Variants in MBNL1 observed in about 807,000 individuals in gnomAD.
The protein encoded by MBNL1 is muscleblind like splicing regulator 1.
In MBNL1, 8 loss-of-function variants were observed where a neutral mutation model predicts 42.2. The ratio of observed to expected loss-of-function variants is 0.19; its 90% CI spans 0.11 to 0.34. The LOEUF (loss-of-function observed/expected upper bound fraction) is 0.34, where lower values mean the gene tolerates loss of function less well. MBNL1 is among the 10% of genes least tolerant of loss of function. MBNL1 has a pLI of 1.00. For synonymous variants in MBNL1, 169 were observed against 173.9 expected (o/e 0.97, Z 0.22); for missense variants, 309 against 495.3 (o/e 0.62, Z 3.57).
chr3:152,310,826 G>C (rs117489342), intron 2 of MBNL1, among the ~76,000 whole-genome samples: 2 of 151,996 alleles, frequency 1.3e-5, no homozygotes, highest in Non-Finnish European at 2.9e-5. Flanking sequence ...TGTTTGGGGG[G>C]GTTGGGGGGA....
At chr3:152,316,030 C>T (rs145024156) in intron 2 of MBNL1, among the ~76,000 whole-genome samples, 62 of 152,298 alleles carry the variant, frequency 4.1e-4, no homozygotes, top group African/African-American at 1.4e-3. Flanking sequence ...TATTTCTCGT[C>T]ACATTGTGGC....
chr3:152,322,554 A>G (rs1577886538), intron 2 of MBNL1, among the ~76,000 whole-genome samples: 1 of 152,056 alleles, frequency 6.6e-6, no homozygotes. Flanking sequence ...AAATACATCT[A>G]TATTATCTCA....
intron 4 of MBNL1, among the ~76,000 whole-genome samples, chr3:152,434,561 A>G (rs1359882485): frequency 1.3e-5 from 2 of 152,208 alleles, no homozygotes; most frequent in African/African-American, 4.8e-5. Context: ...TTGGGTATAT[A>G]CCCAGTAATG....
chr3:152,290,236 A>G (rs1222819002), intron 1 of MBNL1, among the ~76,000 whole-genome samples: 1 of 152,032 alleles, frequency 6.6e-6, no homozygotes, highest in Admixed American at 6.6e-5. Flanking sequence ...AATTTTTAGA[A>G]ATTCTGAACA....
chr3:152,330,327 T>G (rs1040211261), intron 2 of MBNL1, among the ~76,000 whole-genome samples: 16 of 152,182 alleles, frequency 1.1e-4, no homozygotes, highest in Admixed American at 1.0e-3. Flanking sequence ...CTCAAACTCC[T>G]GGCTTCAAGT....
intron 1 of MBNL1, among the ~76,000 whole-genome samples, chr3:152,298,089 G>A (rs368531226): frequency 1.7e-4 from 26 of 152,048 alleles, no homozygotes; most frequent in African/African-American, 6.0e-4. Flanking sequence ...CTAGATGTTC[G>A]TGTTTTTTAA....
intron 1 of MBNL1, among the ~76,000 whole-genome samples, chr3:152,294,319 G>A (rs1025945541): frequency 5.7e-5 from 8 of 141,364 alleles, no homozygotes; most frequent in African/African-American, 1.9e-4. Context: ...AGTCTCGCTC[G>A]GTCACCCAGG....
chr3:152,432,320 A>G (rs894169528), intron 3 of MBNL1, among the ~76,000 whole-genome samples: 1 of 152,252 alleles, frequency 6.6e-6, no homozygotes, highest in Non-Finnish European at 1.5e-5. Context: ...TCTTTCAAGT[A>G]CATCTGACAT....
intron 2 of MBNL1, among the ~76,000 whole-genome samples, chr3:152,367,599 G>A (rs747641269): frequency 3.3e-5 from 5 of 152,150 alleles, no homozygotes; most frequent in African/African-American, 7.2e-5. Flanking sequence ...TTGAGGAATC[G>A]CCACACTGTC....
rs1749407776 is a variant in MBNL1, at chr3:152,464,571, T to C, written c.*2205T>C. 6.6e-6 allele frequency: 1 copy of C among 152,630 alleles called. No individual in the cohort carries two copies. The highest frequency in any genetic ancestry group is 2.4e-5 in the African/African-American group (1 of 41,466). The allele number at this position is 152,630 out of a possible 1,614,324, so 9.5% of individuals were successfully genotyped here. ...CTAGATCCTAGATATTAGAATAAAA[T>C]TTATTTTCTACTGTATCCATTTCAA... On this transcript the variant is annotated 3_prime_UTR_variant, in exon 10 of 10. Coordinates refer to ENST00000324210, the MANE Select transcript of MBNL1 (RefSeq NM_021038.5).
chr3:152,447,490 C>G, intron 5 of MBNL1, 130 bp from the exon 6 acceptor site: 1 of 346,708 alleles, frequency 2.9e-6, no homozygotes, highest in Non-Finnish European at 5.2e-6. Context: ...TGGATTTTTT[C>G]CCTCGGGTAG....
chr3:152,297,929 C>G lies in MBNL1; in HGVS notation c.-789-1476C>G, dbSNP rs374654456. On this transcript the variant is annotated intron_variant, in intron 1 of 9. Coordinates refer to ENST00000324210, the MANE Select transcript of MBNL1 (RefSeq NM_021038.5). ...TCAGCCTCCCAAAGTGCGGGGATTA[C>G]AGGCGTGATCCACCAAGCTTGATTG... Among the ~76,000 whole-genome samples the G allele has an allele frequency of 6.1e-4, 93 of 152,278 alleles. No homozygotes were observed. In the South Asian group the frequency reaches 0.019, roughly 31 times the overall value.
At position 152,465,267 on chromosome 3, in the gene MBNL1, A is replaced by G. The variant is rs948103465; in HGVS notation, c.*2901A>G. The G allele has an allele frequency of 6.6e-6, 1 of 152,252 alleles. No individual in the cohort carries two copies. Among genetic ancestry groups the G allele is most frequent in the African/African-American group, 2.4e-5 (1 of 41,468 alleles). The allele number at this position is 152,252 out of a possible 1,614,324, so 9.4% of individuals were successfully genotyped here. On this transcript the variant is annotated 3_prime_UTR_variant, in exon 10 of 10. Transcript: ENST00000324210. ...ATTCAGATCAGTTTCTGCCAATTTC[A>G]GTGGTTTATTGTTCACAAAAAAATC...
At chr3:152,408,970 A>G (rs150046451) in intron 2 of MBNL1, among the ~76,000 whole-genome samples, 35 of 152,332 alleles carry the variant, frequency 2.3e-4, no homozygotes, top group African/African-American at 8.4e-4. Flanking sequence ...TCTTTTTAGG[A>G]TGTATGTGCT....
chr3:152,312,486 T>C (rs1226108650), intron 2 of MBNL1, among the ~76,000 whole-genome samples: 1 of 152,224 alleles, frequency 6.6e-6, no homozygotes, highest in Admixed American at 6.5e-5. Context: ...ATGAGATCAG[T>C]TGGGTAAATC....
intron 2 of MBNL1, among the ~76,000 whole-genome samples, chr3:152,385,983 A>G (rs1329288106): frequency 6.6e-6 from 1 of 152,066 alleles, no homozygotes; most frequent in African/African-American, 2.4e-5. Flanking sequence ...TACTTGAAAT[A>G]CTTTTAACAT....
intron 2 of MBNL1, chr3:152,335,366 A>T: frequency 1.2e-6 from 1 of 804,144 alleles, no homozygotes; most frequent in Non-Finnish European, 1.8e-6. Context: ...TTAGAGAGGA[A>T]CCGTGGTTTT....
intron 1 of MBNL1, among the ~76,000 whole-genome samples, chr3:152,293,950 T>G (rs2057358332): frequency 6.6e-6 from 1 of 150,752 alleles, no homozygotes; most frequent in South Asian, 2.1e-4. Flanking sequence ...GGCATTCATA[T>G]GAAGCCATAT....
At chr3:152,285,248 A>G (rs1046258734) in intron 1 of MBNL1, among the ~76,000 whole-genome samples, 1 of 152,160 alleles carries the variant, frequency 6.6e-6, no homozygotes, top group Non-Finnish European at 1.5e-5. Context: ...TCTGTTGTAT[A>G]TATTAGTAGT....
Sources: allele counts gnomAD v4.1 joint callset (sites outside exome capture counted in the v4.1 genomes callset), GRCh38; gene constraint gnomAD v4.1.1; transcripts MANE v1.5; gene names NCBI Gene and HGNC (gene_info 2026-07-23, HGNC 2026-07-21).